Variants in LRRC37A2 observed in about 807,000 individuals in gnomAD.
The protein encoded by LRRC37A2 is leucine rich repeat containing 37 member A2.
A neutral mutation model predicts 68.8 loss-of-function variants in LRRC37A2; 9 were observed. The observed-to-expected ratio is 0.13, with a 90% CI of 0.08 to 0.23. The LOEUF (loss-of-function observed/expected upper bound fraction) is 0.23. Among genes scored for constraint, LRRC37A2 ranks in the 10% least tolerant of loss-of-function variants. The pLI, the probability that LRRC37A2 is intolerant of heterozygous loss-of-function variation, is 1.00. For synonymous variants in LRRC37A2, 63 were observed against 367.6 expected (o/e 0.17, Z 9.48); for missense variants, 168 against 950.4 (o/e 0.18, Z 10.82).
the LRRC37A2 span, among the ~76,000 whole-genome samples, chr17:46,860,021 G>A: frequency 1.3e-5 from 2 of 152,166 alleles, no homozygotes; most frequent in Admixed American, 1.3e-4. Context: ...ATAGTTGGAG[G>A]GAAGGAAAGG....
At chr17:46,740,992 C>G in the LRRC37A2 span, among the ~76,000 whole-genome samples, 1 of 152,150 alleles carries the variant, frequency 6.6e-6, no homozygotes, top group African/African-American at 2.4e-5. Flanking sequence ...CTCCCTAACT[C>G]AAATTAAGAG....
the LRRC37A2 span, among the ~76,000 whole-genome samples, chr17:46,492,989 T>C: frequency 0.55 from 79,429 of 144,010 alleles, 18,713 homozygotes; most frequent in South Asian, 0.7. Context: ...CCACTGCGCC[T>C]GGCCTCAAGT....
the LRRC37A2 span, among the ~76,000 whole-genome samples, chr17:46,795,103 A>G: frequency 6.6e-6 from 1 of 151,646 alleles, no homozygotes; most frequent in Non-Finnish European, 1.5e-5. Flanking sequence ...TGCTTACCTC[A>G]CCTGTGTCCC....
At chr17:46,959,322 T>G in the LRRC37A2 span, among the ~76,000 whole-genome samples, 1 of 152,324 alleles carries the variant, frequency 6.6e-6, no homozygotes, top group Admixed American at 6.5e-5. Context: ...CTTTTTGGAG[T>G]AACATAAATC....
chr17:46,703,701 A>AC, the LRRC37A2 span, among the ~76,000 whole-genome samples: 83 of 148,624 alleles, frequency 5.6e-4, no homozygotes, highest in African/African-American at 2.0e-3. Context: ...AAAAAAAAAA[A>AC]AAACAAAAAA....
the LRRC37A2 span, among the ~76,000 whole-genome samples, chr17:46,804,836 G>C: frequency 6.6e-6 from 1 of 152,122 alleles, no homozygotes; most frequent in Non-Finnish European, 1.5e-5. Context: ...TTGTAAAATG[G>C]ACCAATCAGC....
At chr17:46,789,022 G>C in the LRRC37A2 span, among the ~76,000 whole-genome samples, 1 of 152,328 alleles carries the variant, frequency 6.6e-6, no homozygotes, top group East Asian at 1.9e-4. Context: ...CAGCTCCCCA[G>C]GGCTCCTCAG....
the LRRC37A2 span, among the ~76,000 whole-genome samples, chr17:46,589,047 AAAAC>A: frequency 1.5e-4 from 14 of 92,706 alleles, no homozygotes; most frequent in South Asian, 4.2e-4. Context: ...CTGCGTCTCA[AAAAC>A]AAACAAACAA....
chr17:46,492,689 G>GTTTTTTTTT, the LRRC37A2 span, among the ~76,000 whole-genome samples: 14 of 107,804 alleles, frequency 1.3e-4, no homozygotes, highest in East Asian at 2.6e-4. Context: ...GTTTTGTTTT[G>GTTTTTTTTT]TTTTTTTTTT....
the LRRC37A2 span, among the ~76,000 whole-genome samples, chr17:46,808,811 A>C: frequency 6.6e-6 from 1 of 152,180 alleles, no homozygotes; most frequent in African/African-American, 2.4e-5. Context: ...TTAAAAAAAA[A>C]GAAAAAGAAA....
At chr17:46,781,437 C>G in the LRRC37A2 span, among the ~76,000 whole-genome samples, 1 of 151,292 alleles carries the variant, frequency 6.6e-6, no homozygotes, top group South Asian at 2.1e-4. Context: ...GAATGAAATT[C>G]TGATGCAAGC....
chr17:46,773,550 C>A, the LRRC37A2 span: 19 of 1,214,004 alleles, frequency 1.6e-5, no homozygotes, highest in Non-Finnish European at 1.9e-5. Context: ...AAATTTATCA[C>A]CCTCCCAGAG....
chr17:46,757,548 C>CCT, the LRRC37A2 span: 1 of 152,422 alleles, frequency 6.6e-6, no homozygotes, highest in East Asian at 1.9e-4. Flanking sequence ...AGGAAAGAAA[C>CCT]CTCTCCGTGT....
At chr17:46,934,175 C>T in the LRRC37A2 span, among the ~76,000 whole-genome samples, 1 of 152,190 alleles carries the variant, frequency 6.6e-6, no homozygotes, top group Non-Finnish European at 1.5e-5. Context: ...ACTGGACTTC[C>T]AGCTCTGTGA....
chr17:46,873,108 A>G, the LRRC37A2 span, among the ~76,000 whole-genome samples: 4 of 151,428 alleles, frequency 2.6e-5, no homozygotes, highest in East Asian at 7.9e-4. Context: ...ACACACACAC[A>G]CACACACACA....
the LRRC37A2 span, among the ~76,000 whole-genome samples, chr17:46,726,336 G>A: frequency 6.6e-6 from 1 of 152,184 alleles, no homozygotes; most frequent in East Asian, 1.9e-4. Context: ...AGCCTGCCCA[G>A]GTGTGACACA....
At chr17:46,789,211 C>T in the LRRC37A2 span, among the ~76,000 whole-genome samples, 1 of 152,202 alleles carries the variant, frequency 6.6e-6, no homozygotes, top group African/African-American at 2.4e-5. Context: ...AGAGGCCACC[C>T]TCCCTGCCTC....
At chr17:46,770,890 G>A in the LRRC37A2 span, among the ~76,000 whole-genome samples, 3 of 152,242 alleles carry the variant, frequency 2.0e-5, no homozygotes, top group African/African-American at 7.2e-5. Context: ...GATTAGGGAG[G>A]CCAAGGCCTG....
At chr17:46,863,952 C>A in the LRRC37A2 span, among the ~76,000 whole-genome samples, 2 of 152,144 alleles carry the variant, frequency 1.3e-5, no homozygotes, top group African/African-American at 4.8e-5. Context: ...AGGGTGTGGG[C>A]CATCCGTGGG....
Sources: gnomAD v4.1 joint callset for allele counts (sites outside exome capture counted in the v4.1 genomes callset) on GRCh38, gnomAD v4.1.1 for gene constraint, MANE v1.5 for transcripts, NCBI Gene and HGNC (gene_info 2026-07-23, HGNC 2026-07-21) for gene names.